SPICE1: variants seen among roughly 807,000 people sequenced by gnomAD.
SPICE1 encodes the protein spindle and centriole associated protein 1.
In SPICE1, 75 loss-of-function variants were observed where a neutral mutation model predicts 102.7. The ratio of observed to expected loss-of-function variants is 0.73; its 90% CI spans 0.61 to 0.88. The LOEUF (loss-of-function observed/expected upper bound fraction) is 0.88. Among genes scored for constraint, SPICE1 ranks in the 40% least tolerant of loss-of-function variants. The pLI is 0.00. For synonymous variants in SPICE1, 308 were observed against 350.3 expected (o/e 0.88, Z 1.35); for missense variants, 979 against 1,020.1 (o/e 0.96, Z 0.55).
At chr3:113,505,195 T>C (rs1464779674) in intron 2 of SPICE1, among the ~76,000 whole-genome samples, 1 of 152,112 alleles carries the variant, frequency 6.6e-6, no homozygotes, top group Non-Finnish European at 1.5e-5. Context: ...CAACTGTATT[T>C]ATTGAAAAAA....
intron 1 of SPICE1, among the ~76,000 whole-genome samples, chr3:113,511,899 T>C (rs1436753233): frequency 6.6e-6 from 1 of 152,124 alleles, no homozygotes; most frequent in African/African-American, 2.4e-5. Flanking sequence ...CAAGACCAGG[T>C]CTGACTGACT....
chr3:113,468,164 C>T lies in SPICE1; in HGVS notation c.1130G>A (p.Cys377Tyr). The T allele has an allele frequency of 6.2e-7, 1 of 1,614,202 alleles. No homozygotes were observed. Among genetic ancestry groups the T allele is most frequent in the Non-Finnish European group, 8.5e-7 (1 of 1,180,036 alleles). The stretch of plus-strand genomic sequence containing the variant: ...CTCTTTAAGGTACCGAACCAGGCGA[C>T]AGAGGGAGCTCACCAGCGACAAAGT... ...GFTLSLVSSL[C>Y]RLVRYLKESE... The change falls in exon 10 of 18, where the codon TGT becomes TAT. Residue 377 changes from cysteine to tyrosine, a missense_variant. Physicochemically the swap from Cys to Tyr is radical, Grantham distance 194. Coordinates refer to ENST00000295872, the MANE Select transcript of SPICE1 (RefSeq NM_144718.4).
chr3:113,493,184 A>G, intron 6 of SPICE1, 22 bp downstream of exon 6: 1 of 1,511,506 alleles, frequency 6.6e-7, no homozygotes, highest in African/African-American at 1.4e-5. Context: ...TGAGTGTTAT[A>G]GCTGTGAGTG....
At chr3:113,480,179 T>C (rs1438437597) in intron 7 of SPICE1, among the ~76,000 whole-genome samples, 1 of 149,780 alleles carries the variant, frequency 6.7e-6, no homozygotes. Context: ...TGAGAAGAAA[T>C]AGAAGCTTAA....
intron 1 of SPICE1, among the ~76,000 whole-genome samples, chr3:113,508,681 C>T (rs996974157): frequency 1.3e-5 from 2 of 152,122 alleles, no homozygotes; most frequent in Non-Finnish European, 2.9e-5. Flanking sequence ...AGTGTGGGCA[C>T]TTTGGAAACA....
At chr3:113,447,993 C>T in intron 16 of SPICE1, 45 bp downstream of exon 16, 1 of 1,517,934 alleles carries the variant, frequency 6.6e-7, no homozygotes, top group African/African-American at 1.4e-5. Context: ...ATACCAAATT[C>T]TTTTTGATTT....
rs1936132738 is a variant in SPICE1, at chr3:113,469,108, C to A, written c.742G>T (p.Glu248Ter). The change falls in exon 8 of 18, where the codon GAG (glutamate) becomes TAG (stop). Residue 248 changes from glutamate to a stop codon, truncating the protein, a stop_gained. Transcript: ENST00000295872. LOFTEE classifies it high-confidence loss of function. ...CAAAAGGGAAACAAACCTCTTTGCT[C>A]CCCTGATGAAAGAGCAGATGATGGC... ...GTPSSALSSG[E>*]QRAALNATNA... The A allele has an allele frequency of 6.2e-7, 1 of 1,611,908 alleles. No individual in the cohort carries two copies. The highest frequency in any genetic ancestry group is 8.5e-7 in the Non-Finnish European group (1 of 1,179,248).
intron 1 of SPICE1, among the ~76,000 whole-genome samples, chr3:113,509,412 G>A (rs1003840057): frequency 1.3e-5 from 2 of 150,272 alleles, no homozygotes; most frequent in African/African-American, 5.0e-5. Context: ...AATTAAAAAT[G>A]TTTAATGACA....
intron 5 of SPICE1, among the ~76,000 whole-genome samples, chr3:113,493,685 T>C (rs1299896588): frequency 6.6e-6 from 1 of 152,176 alleles, no homozygotes; most frequent in Non-Finnish European, 1.5e-5. Context: ...AAATAAATAA[T>C]GCGTGTATCT....
Position 113,453,716 on chromosome 3 carries a change from G to A in SPICE1, c.1892C>T (p.Ser631Phe). The change falls in exon 14 of 18, where the codon TCC becomes TTC. Residue 631 changes from serine to phenylalanine, a missense_variant. Ser to Phe is a radical substitution (Grantham distance 155). Coordinates refer to ENST00000295872, the MANE Select transcript of SPICE1 (RefSeq NM_144718.4). ...FVNLSQPLCNSHSNTQQSRSP... is the reference protein window; with the variant it reads ...FVNLSQPLCNFHSNTQQSRSP... Reference sequence around the variant, plus strand: ...TCTTGACTGTTGAGTGTTGGAATGGGAATTGCAGAGGGGCTGTGAGAGGTT... The same window carrying A: ...TCTTGACTGTTGAGTGTTGGAATGGAAATTGCAGAGGGGCTGTGAGAGGTT... 1.2e-6 allele frequency: 2 copies of A among 1,614,146 alleles called. No homozygotes were observed. The highest frequency in any genetic ancestry group is 1.7e-6 in the Non-Finnish European group (2 of 1,180,024).
chr3:113,467,331 G>A (rs561034729), intron 10 of SPICE1, among the ~76,000 whole-genome samples: 6 of 152,156 alleles, frequency 3.9e-5, no homozygotes, highest in Admixed American at 1.3e-4. Flanking sequence ...TTGCTCTGCC[G>A]CCCAGGCTGG....
chr3:113,480,773 A>AGAGGCTGAGG (rs1408029727), intron 7 of SPICE1, among the ~76,000 whole-genome samples: 1 of 151,952 alleles, frequency 6.6e-6, no homozygotes, highest in South Asian at 2.1e-4. Flanking sequence ...CCCGGCTACT[A>AGAGGCTGAGG]GAGGCTGAGG....
chr3:113,493,256 G>A lies in SPICE1; in HGVS notation c.442C>T (p.Gln148Ter). ...DSSQGPIVVN[Q>*]DPITQSIFNE... ...AAGATAGATTGGGTGATAGGGTCTT[G>A]ATTTACCACAATGGGACCCTGAGAG... The change falls in exon 6 of 18, where the codon CAA (glutamine) becomes TAA (stop). Residue 148 changes from glutamine (Q) to a stop codon, truncating the protein, a stop_gained. Transcript: ENST00000295872. LOFTEE classifies it high-confidence loss of function. 1 of 1,613,474 alleles carries A rather than the reference G, an allele frequency of 6.2e-7. No homozygotes were observed. The highest frequency in any genetic ancestry group is 8.5e-7 in the Non-Finnish European group (1 of 1,179,764).
intron 12 of SPICE1, among the ~76,000 whole-genome samples, 194 bp from the exon 13 acceptor site, chr3:113,457,551 C>T (rs1026666277): frequency 2.6e-5 from 4 of 152,138 alleles, no homozygotes; most frequent in Non-Finnish European, 4.4e-5. Context: ...GGGGCTAGTA[C>T]TGAGAAGTTA....
chr3:113,453,859 G>A lies in SPICE1; in HGVS notation c.1749C>T (p.Thr583=). The A allele has an allele frequency of 6.2e-7, 1 of 1,614,170 alleles. No individual in the cohort carries two copies. Among genetic ancestry groups the A allele is most frequent in the Non-Finnish European group, 8.5e-7 (1 of 1,180,016 alleles). Residue 583 remains threonine (T), a synonymous_variant, in exon 14 of 18, where the codon ACC becomes ACT. Transcript: ENST00000295872. ...TCTGAATGTCTGTATCAATAGGTAA[G>A]GTCTTCTCTTCCCAATTTTGTTCCT... ...IEKEQNWEEK[T]LPIDTDIQNS... is the part of the protein sequence containing the mutation.
At chr3:113,505,202 A>G (rs368623676) in intron 2 of SPICE1, among the ~76,000 whole-genome samples, 30 of 152,322 alleles carry the variant, frequency 2.0e-4, no homozygotes, top group African/African-American at 6.3e-4. Flanking sequence ...ATTTATTGAA[A>G]AAAAATTCAT....
chr3:113,467,290 T>C (rs1936081191), intron 10 of SPICE1, among the ~76,000 whole-genome samples: 1 of 152,166 alleles, frequency 6.6e-6, no homozygotes, highest in Non-Finnish European at 1.5e-5. Context: ...CAAACAATTC[T>C]TTTTTTATTT....
intron 10 of SPICE1, among the ~76,000 whole-genome samples, chr3:113,467,518 T>G (rs536855903): frequency 3.9e-4 from 59 of 152,332 alleles, no homozygotes; most frequent in African/African-American, 1.3e-3. Flanking sequence ...GGTCTTAAAC[T>G]CCTGACCTCA....
At chr3:113,462,428 C>G (rs1157514937) in intron 11 of SPICE1, among the ~76,000 whole-genome samples, 1 of 152,174 alleles carries the variant, frequency 6.6e-6, no homozygotes, top group African/African-American at 2.4e-5. Flanking sequence ...ATGTCAGATT[C>G]CATTACATTC....
Sources: allele counts gnomAD v4.1 joint callset (sites outside exome capture counted in the v4.1 genomes callset), GRCh38; gene constraint gnomAD v4.1.1; transcripts MANE v1.5; gene names NCBI Gene and HGNC (gene_info 2026-07-23, HGNC 2026-07-21).